PCDH15: variants seen among roughly 807,000 people sequenced by gnomAD.
PCDH15 encodes protocadherin related 15.
Under a neutral mutation model 178.5 loss-of-function variants are expected in PCDH15, and 129 were observed. That is an observed-to-expected ratio of 0.72 (90% CI 0.63 to 0.84). PCDH15 has a LOEUF of 0.84. Ranked by LOEUF, PCDH15 falls within the 40% of genes least tolerant of loss-of-function variation. PCDH15 has a pLI of 0.00. For missense variants in PCDH15, 2,230 were observed against 2,099.9 expected (o/e 1.06, Z -1.21); for synonymous variants, 800 against 732.0 (o/e 1.09, Z -1.50).
intron 2 of PCDH15, among the ~76,000 whole-genome samples, chr10:55,475,353 TCTAA>T (rs1434733750): frequency 6.6e-6 from 1 of 152,152 alleles, no homozygotes; most frequent in Non-Finnish European, 1.5e-5. Context: ...GCTTTTTATT[TCTAA>T]CTGTTATTAT....
chr10:54,651,465 C>A (rs1434947225), intron 2 of PCDH15, among the ~76,000 whole-genome samples: 2 of 152,260 alleles, frequency 1.3e-5, no homozygotes, highest in South Asian at 2.1e-4. Context: ...TTAAAAATAG[C>A]TGAAAGACAG....
At chr10:55,528,705 A>G (rs1173782604) in intron 2 of PCDH15, among the ~76,000 whole-genome samples, 1 of 152,112 alleles carries the variant, frequency 6.6e-6, no homozygotes, top group Non-Finnish European at 1.5e-5. Flanking sequence ...ATGTGTCTTT[A>G]TAGCAGCATG....
chr10:54,957,773 A>G (rs572719666), intron 2 of PCDH15, among the ~76,000 whole-genome samples: 3 of 151,838 alleles, frequency 2.0e-5, no homozygotes, highest in Admixed American at 6.6e-5. Flanking sequence ...AAAAGGTGAA[A>G]CTTATAATTG....
chr10:54,792,840 A>G (rs1021831531), intron 1 of PCDH15, among the ~76,000 whole-genome samples: 2 of 151,802 alleles, frequency 1.3e-5, no homozygotes, highest in Non-Finnish European at 2.9e-5. Context: ...CCTGACAAAT[A>G]CAGTAATATA....
At chr10:54,158,748 G>C (rs1476477568) in intron 13 of PCDH15, among the ~76,000 whole-genome samples, 1 of 152,132 alleles carries the variant, frequency 6.6e-6, no homozygotes, top group Non-Finnish European at 1.5e-5. Context: ...CCATATGCAA[G>C]AATATAAATT....
chr10:54,237,898 A>T (rs985356626), intron 8 of PCDH15, among the ~76,000 whole-genome samples: 1 of 152,178 alleles, frequency 6.6e-6, no homozygotes, highest in Non-Finnish European at 1.5e-5. Flanking sequence ...TTTCAGACTT[A>T]ATTATGCTAA....
At chr10:55,145,042 A>G (rs533800227) in intron 2 of PCDH15, among the ~76,000 whole-genome samples, 2 of 152,202 alleles carry the variant, frequency 1.3e-5, no homozygotes, top group South Asian at 2.1e-4. Flanking sequence ...AATAGTAGGC[A>G]TCTTTTTGTG....
At chr10:54,108,992 C>T (rs1199761094) in intron 15 of PCDH15, among the ~76,000 whole-genome samples, 1 of 152,118 alleles carries the variant, frequency 6.6e-6, no homozygotes, top group Non-Finnish European at 1.5e-5. Flanking sequence ...AAACCTTGGT[C>T]CCTGAATAAC....
chr10:54,757,888 A>T (rs1947369245), intron 1 of PCDH15, among the ~76,000 whole-genome samples: 1 of 152,146 alleles, frequency 6.6e-6, no homozygotes, highest in African/African-American at 2.4e-5. Context: ...AGGCATCAAA[A>T]GAAACAGATT....
intron 3 of PCDH15, among the ~76,000 whole-genome samples, chr10:54,887,829 C>G (rs1247275993): frequency 1.3e-5 from 2 of 151,928 alleles, no homozygotes; most frequent in Non-Finnish European, 2.9e-5. Flanking sequence ...ATACATATTC[C>G]AGACAAAATG....
chr10:54,972,795 G>A (rs1196663286), intron 2 of PCDH15, among the ~76,000 whole-genome samples: 1 of 140,958 alleles, frequency 7.1e-6, no homozygotes, highest in Non-Finnish European at 1.5e-5. Flanking sequence ...GTTGCAGTGA[G>A]CTGACATCGC....
chr10:55,440,637 A>G (rs907019108), intron 2 of PCDH15, among the ~76,000 whole-genome samples: 1 of 152,168 alleles, frequency 6.6e-6, no homozygotes, highest in Non-Finnish European at 1.5e-5. Context: ...TACTGTAAAA[A>G]TTGATCATAT....
At chr10:55,067,181 C>T (rs961324680) in intron 2 of PCDH15, among the ~76,000 whole-genome samples, 3 of 151,898 alleles carry the variant, frequency 2.0e-5, no homozygotes, top group African/African-American at 7.2e-5. Context: ...AACATTGTAA[C>T]TTATTTCTTC....
chr10:55,336,061 G>A (rs1393710006), intron 2 of PCDH15, among the ~76,000 whole-genome samples: 2 of 133,532 alleles, frequency 1.5e-5, no homozygotes, highest in Non-Finnish European at 3.1e-5. Context: ...GAATTGGTTT[G>A]TGTATTGTAG....
chr10:53,990,028 T>C (rs2134769110), intron 21 of PCDH15, among the ~76,000 whole-genome samples: 1 of 152,312 alleles, frequency 6.6e-6, no homozygotes, highest in Non-Finnish European at 1.5e-5. Context: ...GCTAATAGAT[T>C]GTAACAGAAT....
intron 13 of PCDH15, among the ~76,000 whole-genome samples, chr10:54,178,930 G>A (rs2047706939): frequency 3.3e-5 from 5 of 152,162 alleles, no homozygotes; most frequent in Admixed American, 3.3e-4. Context: ...AGGTGCTGGA[G>A]AGGATGTGGA....
At chr10:53,900,165 G>T (rs936115205) in intron 26 of PCDH15, among the ~76,000 whole-genome samples, 2 of 150,794 alleles carry the variant, frequency 1.3e-5, no homozygotes. Context: ...TATTATTATA[G>T]CATACACTTG....
chr10:55,522,678 A>C (rs538738598), intron 2 of PCDH15, among the ~76,000 whole-genome samples: 1 of 151,826 alleles, frequency 6.6e-6, no homozygotes, highest in Admixed American at 6.6e-5. Context: ...TAACATTGCT[A>C]ATCCCTTCAC....
intron 2 of PCDH15, among the ~76,000 whole-genome samples, chr10:54,914,082 T>C (rs143136667): frequency 6.6e-6 from 1 of 152,238 alleles, no homozygotes; most frequent in East Asian, 1.9e-4. Flanking sequence ...GGCATAATTG[T>C]GTTTTGAAAT....
Sources: allele counts gnomAD v4.1 joint callset (sites outside exome capture counted in the v4.1 genomes callset), GRCh38; gene constraint gnomAD v4.1.1; transcripts MANE v1.5; gene names NCBI Gene and HGNC (gene_info 2026-07-23, HGNC 2026-07-21).